Variants in NECAP2 observed in about 807,000 individuals in gnomAD.
NECAP2 encodes the protein adaptin ear-binding coat-associated protein 2.
In NECAP2, 38 loss-of-function variants were observed where a neutral mutation model predicts 37.8. The observed-to-expected ratio is 1.01, with a 90% CI of 0.78 to 1.32. The LOEUF (loss-of-function observed/expected upper bound fraction) is 1.32. Among genes scored for constraint, NECAP2 ranks in the 40% most tolerant of loss-of-function variants. The pLI is 0.00. For missense variants in NECAP2, 316 were observed against 334.5 expected (o/e 0.94, Z 0.43); for synonymous variants, 121 against 127.7 (o/e 0.95, Z 0.35).
chr1:16,446,147 G>A (rs962684471), intron 2 of NECAP2, among the ~76,000 whole-genome samples: 1 of 152,214 alleles, frequency 6.6e-6, no homozygotes, highest in South Asian at 2.1e-4. Flanking sequence ...GGTGGAGGTC[G>A]CAGTGAGCCG....
chr1:16,444,495 G>A (rs1290387165), intron 2 of NECAP2, among the ~76,000 whole-genome samples: 1 of 152,260 alleles, frequency 6.6e-6, no homozygotes, highest in Non-Finnish European at 1.5e-5. Flanking sequence ...TGCCTGAGCT[G>A]CTGGATGTGG....
At chr1:16,443,026 C>G (rs1023851491) in intron 1 of NECAP2, among the ~76,000 whole-genome samples, 3 of 152,208 alleles carry the variant, frequency 2.0e-5, no homozygotes, top group Non-Finnish European at 2.9e-5. Context: ...TTCTCCTTTT[C>G]TCTTCTGGTG....
chr1:16,448,555 G>C (rs1317077007), intron 4 of NECAP2, among the ~76,000 whole-genome samples: 4 of 152,188 alleles, frequency 2.6e-5, no homozygotes, highest in Non-Finnish European at 4.4e-5. Context: ...TGCAGGGCTC[G>C]AACTCAGGCT....
At chr1:16,445,398 C>G (rs888457644) in intron 2 of NECAP2, among the ~76,000 whole-genome samples, 10 of 152,184 alleles carry the variant, frequency 6.6e-5, no homozygotes, top group Non-Finnish European at 1.3e-4. Context: ...CTAGCAGATG[C>G]CAGTAGCACC....
chr1:16,446,557 GTTTC>G (rs200748674), intron 2 of NECAP2, among the ~76,000 whole-genome samples: 1,795 of 151,820 alleles, frequency 0.012, 35 homozygotes, highest in African/African-American at 0.038. Context: ...GCATGACCCT[GTTTC>G]TTTCTTTTTT....
rs2086844309 is a variant in NECAP2 at position 16,451,670 on chromosome 1, G to T, written c.490-168G>T. The T allele has an allele frequency of 1.6e-5, 11 of 673,000 alleles. No individual in the cohort carries two copies. In the South Asian group the frequency reaches 2.0e-4, roughly 12 times the overall value. The allele number at this position is 673,000 out of a possible 1,614,324, so 41.7% of individuals were successfully genotyped here. On this transcript the variant is annotated intron_variant, in intron 5 of 7. Transcript: ENST00000337132. ...ACCTTATTTGTGAGAGATTCAGAAT[G>T]ATGATGCACTAAGTATAGCTCATAG...
intron 7 of NECAP2, 117 bp downstream of exon 7, chr1:16,456,010 G>T: frequency 1.4e-6 from 1 of 703,166 alleles, no homozygotes; most frequent in Non-Finnish European, 2.4e-6. Flanking sequence ...GTTTTAATTT[G>T]GATGTTTTCT....
chr1:16,443,587 C>G (rs755307804), intron 1 of NECAP2, 45 bp from the exon 2 acceptor site: 1 of 1,457,548 alleles, frequency 6.9e-7, no homozygotes. Context: ...TGGGGTCACA[C>G]AGCAGGAGCC....
chr1:16,456,024 CTTTTT>C (rs56097788), intron 7 of NECAP2, 131 bp downstream of exon 7: 57 of 477,894 alleles, frequency 1.2e-4, no homozygotes, highest in South Asian at 1.6e-4. Flanking sequence ...GTTTTCTTTT[CTTTTT>C]TTTTTTTTTT....
At chr1:16,454,443 C>T (rs2100967513) in intron 6 of NECAP2, among the ~76,000 whole-genome samples, 1 of 152,156 alleles carries the variant, frequency 6.6e-6, no homozygotes, top group African/African-American at 2.4e-5. Flanking sequence ...GCAACCTCCG[C>T]TTCCTGGGTT....
At chr1:16,450,021 G>A (rs2086818197) in intron 5 of NECAP2, 1 of 350,360 alleles carries the variant, frequency 2.9e-6, no homozygotes, top group Non-Finnish European at 5.7e-6. Context: ...AGATGGATTT[G>A]TTTTTTCAAG....
In NECAP2 at chr1:16,452,054, C is replaced by T. The variant is rs201809188; in HGVS notation, c.667+39C>T. 4.9e-5 allele frequency: 74 copies of T among 1,516,970 alleles called. 1 individual carries two copies. Among genetic ancestry groups the T allele is most frequent in the Admixed American group, 1.1e-4 (5 of 44,882 alleles). 94.0% of individuals were successfully genotyped at this position (1,516,970 alleles called of 1,614,324 possible). On this transcript the variant is annotated intron_variant, in intron 6 of 7. Transcript: ENST00000337132. ...GGGTGACTGCTGCATCAGTACCTGC[C>T]GGCTCCTCTTCTCCCTGGCAGCCAG... is the stretch of plus-strand genomic sequence containing the variant.
intron 5 of NECAP2, chr1:16,451,524 C>T (rs1180942133): frequency 1.5e-5 from 5 of 343,904 alleles, no homozygotes; most frequent in Non-Finnish European, 2.7e-5. Context: ...TACTTCATAT[C>T]GTAGTCAATA....
rs750247106 is a variant in NECAP2, at chr1:16,440,741, C to G, written c.-21C>G. 6.2e-7 allele frequency: 1 copy of G among 1,609,316 alleles called. No individual in the cohort carries two copies. The highest frequency in any genetic ancestry group is 1.3e-5 in the African/African-American group (1 of 74,804). ...GGAACGGTGGAAGTCGCCGGAAGTT[C>G]GGTGGGCTCCAGGCGTCGCGATGGA... On this transcript the variant is annotated 5_prime_UTR_variant, in exon 1 of 8. Coordinates refer to ENST00000337132, the MANE Select transcript of NECAP2 (RefSeq NM_018090.5).
intron 7 of NECAP2, 122 bp downstream of exon 7, chr1:16,456,015 TTTTC>T (rs1388681873): frequency 1.5e-6 from 1 of 675,872 alleles, no homozygotes; most frequent in African/African-American, 1.8e-5. Context: ...AATTTGGATG[TTTTC>T]TTTTCTTTTT....
chr1:16,455,935 C>G, intron 7 of NECAP2, 42 bp downstream of exon 7: 1 of 1,479,566 alleles, frequency 6.8e-7, no homozygotes, highest in African/African-American at 1.4e-5. Flanking sequence ...GGGCCAGGGC[C>G]GTTGCTCTAC....
Position 16,459,016 on chromosome 1 carries a change from T to A in NECAP2, c.*126T>A. On this transcript the variant is annotated 3_prime_UTR_variant, in exon 8 of 8. Coordinates refer to ENST00000337132, the MANE Select transcript of NECAP2 (RefSeq NM_018090.5). ...GCATGAATCTCTCCTCTCCTCCTTG[T>A]CTGGCTCTGTTGACAAACCGGGCAT... 1 of 1,565,312 alleles carries A rather than the reference T, an allele frequency of 6.4e-7. No individual in the cohort carries two copies. Among genetic ancestry groups the A allele is most frequent in the Non-Finnish European group, 8.7e-7 (1 of 1,156,002 alleles).
At position 16,459,286 on chromosome 1, in the gene NECAP2, C is replaced by G. The variant is rs1159789354; in HGVS notation, c.*396C>G. ...CCAGGGTCTGCAGGTGTCACATGAT[C>G]ACAGTTCAGCGGGAGGCTTTCCGTA... On this transcript the variant is annotated 3_prime_UTR_variant, in exon 8 of 8. Transcript: ENST00000337132. 1 of 211,606 alleles carries G rather than the reference C, an allele frequency of 4.7e-6. No individual in the cohort carries two copies. Among genetic ancestry groups the G allele is most frequent in the Non-Finnish European group, 9.3e-6 (1 of 107,238 alleles). 13.1% of individuals were successfully genotyped at this position (211,606 alleles called of 1,614,324 possible).
At chr1:16,446,156 C>T (rs1034974669) in intron 2 of NECAP2, among the ~76,000 whole-genome samples, 8 of 152,126 alleles carry the variant, frequency 5.3e-5, no homozygotes, top group Non-Finnish European at 8.8e-5. Flanking sequence ...CGCAGTGAGC[C>T]GAGATCGTGC....
Sources: allele counts gnomAD v4.1 joint callset (sites outside exome capture counted in the v4.1 genomes callset), GRCh38; gene constraint gnomAD v4.1.1; transcripts MANE v1.5; gene names NCBI Gene and HGNC (gene_info 2026-07-23, HGNC 2026-07-21).